Variants in IL1RAPL2 observed in about 807,000 individuals in gnomAD.
The protein encoded by IL1RAPL2 is interleukin 1 receptor accessory protein like 2.
IL1RAPL2 carries 3 observed loss-of-function variants against 44.1 expected under a neutral mutation model. The ratio of observed to expected loss-of-function variants is 0.07; its 90% CI spans 0.03 to 0.18. The LOEUF (loss-of-function observed/expected upper bound fraction) is 0.18. Ranked by LOEUF, IL1RAPL2 falls within the 10% of genes least tolerant of loss-of-function variation. IL1RAPL2 has a pLI of 1.00. For missense variants in IL1RAPL2, 391 were observed against 496.4 expected (o/e 0.79, Z 2.02); for synonymous variants, 181 against 178.8 (o/e 1.01, Z -0.10).
intron 2 of IL1RAPL2, among the ~76,000 whole-genome samples, chrX:105,115,331 C>T (rs980076276): frequency 1.8e-5 from 2 of 111,548 alleles, no homozygotes; most frequent in Admixed American, 1.9e-4. Flanking sequence ...GGGACCAGAA[C>T]CGGTTGCCAC....
intron 2 of IL1RAPL2, among the ~76,000 whole-genome samples, chrX:104,795,950 G>T (rs140642976): frequency 1.8e-5 from 2 of 111,880 alleles, no homozygotes. Context: ...AGTCTACTCC[G>T]TATGAGAACC....
At chrX:105,725,985 C>T (rs2038347974) in intron 7 of IL1RAPL2, among the ~76,000 whole-genome samples, 1 of 111,018 alleles carries the variant, frequency 9.0e-6, no homozygotes, top group Non-Finnish European at 1.9e-5. Flanking sequence ...GTGGTGAATA[C>T]TATTGATGAT....
intron 1 of IL1RAPL2, chrX:104,647,505 C>T (rs1930064912): frequency 1.9e-6 from 1 of 538,000 alleles, no homozygotes; most frequent in South Asian, 2.4e-5. Flanking sequence ...GACACATCGT[C>T]CAGGATGAGC....
In IL1RAPL2 at chrX:105,767,646, C is replaced by T. The variant is rs370658459; in HGVS notation, c.2046C>T (p.Thr682=). 1 of 1,199,627 alleles carries T rather than the reference C, an allele frequency of 8.3e-7. No individual in the cohort carries two copies. Among genetic ancestry groups the T allele is most frequent in the Non-Finnish European group, 1.1e-6 (1 of 885,359 alleles). The change falls in exon 11 of 11, where the codon ACC becomes ACT. Residue 682 remains threonine, a synonymous_variant. Transcript: ENST00000372582. ...TATCCTCCAAAGAGCTTAGCTTTAC[C>T]AGTGATATTTGGTAGTGAAAAATCT... is the stretch of plus-strand genomic sequence containing the variant. ...LPLSSKELSF[T]SDIW is the part of the protein sequence containing the mutation.
intron 6 of IL1RAPL2, among the ~76,000 whole-genome samples, chrX:105,623,402 A>T (rs1242246001): frequency 9.0e-6 from 1 of 110,666 alleles, no homozygotes; most frequent in Non-Finnish European, 1.9e-5. Context: ...AAACTGTTTT[A>T]AAAAATCCTA....
intron 7 of IL1RAPL2, among the ~76,000 whole-genome samples, chrX:105,733,720 T>C (rs2038424062): frequency 9.0e-6 from 1 of 111,219 alleles, no homozygotes; most frequent in Non-Finnish European, 1.9e-5. Context: ...TGATATATGT[T>C]GTCCACTATT....
At chrX:104,907,685 T>C (rs1181505057) in intron 2 of IL1RAPL2, among the ~76,000 whole-genome samples, 1 of 111,098 alleles carries the variant, frequency 9.0e-6, no homozygotes, top group Non-Finnish European at 1.9e-5. Flanking sequence ...TTATAATTTC[T>C]GTTCTTTTAC....
intron 3 of IL1RAPL2, among the ~76,000 whole-genome samples, chrX:105,226,263 C>G (rs1286884844): frequency 9.1e-6 from 1 of 110,029 alleles, no homozygotes; most frequent in Admixed American, 9.8e-5. Context: ...CTCCAATTAA[C>G]TGTTTATTAT....
chrX:105,438,639 G>A (rs2035898141), intron 5 of IL1RAPL2, among the ~76,000 whole-genome samples: 2 of 110,475 alleles, frequency 1.8e-5, no homozygotes, highest in African/African-American at 6.6e-5. Flanking sequence ...CGTCTGTGAT[G>A]AGGCCCAACA....
intron 6 of IL1RAPL2, among the ~76,000 whole-genome samples, chrX:105,631,809 G>A (rs1186820258): frequency 2.7e-5 from 3 of 111,445 alleles, no homozygotes; most frequent in South Asian, 3.8e-4. Flanking sequence ...GCCTTAGCAC[G>A]AAACCACAAC....
At chrX:105,535,176 A>G (rs1249775852) in intron 6 of IL1RAPL2, among the ~76,000 whole-genome samples, 2 of 112,050 alleles carry the variant, frequency 1.8e-5, no homozygotes, top group Non-Finnish European at 3.8e-5. Flanking sequence ...AAAACGACAT[A>G]AAGAAGGCAT....
intron 5 of IL1RAPL2, among the ~76,000 whole-genome samples, chrX:105,369,241 T>G (rs1343039715): frequency 9.0e-6 from 1 of 111,058 alleles, no homozygotes; most frequent in East Asian, 2.8e-4. Flanking sequence ...TCTCTGATAC[T>G]TTCTGTGAAT....
At chrX:105,366,557 CAA>C (rs999612855) in intron 5 of IL1RAPL2, among the ~76,000 whole-genome samples, 4 of 110,945 alleles carry the variant, frequency 3.6e-5, no homozygotes, top group African/African-American at 1.3e-4. Flanking sequence ...TTCTTTATCT[CAA>C]GATATTTTTT....
chrX:105,406,208 G>A, intron 5 of IL1RAPL2: 6 of 1,138,579 alleles, frequency 5.3e-6, no homozygotes, highest in Non-Finnish European at 6.0e-6. Flanking sequence ...AGTGAATAAA[G>A]AACCTGACAG....
chrX:105,713,417 A>G (rs2038229821), intron 6 of IL1RAPL2, among the ~76,000 whole-genome samples: 1 of 111,498 alleles, frequency 9.0e-6, no homozygotes, highest in South Asian at 3.8e-4. Flanking sequence ...GCCCAACACC[A>G]TGTGAAAGCT....
chrX:104,761,857 C>T (rs62589848), intron 2 of IL1RAPL2, among the ~76,000 whole-genome samples: 1 of 36,631 alleles, frequency 2.7e-5, no homozygotes, highest in Non-Finnish European at 4.5e-5. Context: ...TTCTCCTTCT[C>T]CTTCTCCTTC....
At chrX:104,925,730 T>A (rs1277960491) in intron 2 of IL1RAPL2, among the ~76,000 whole-genome samples, 1 of 111,397 alleles carries the variant, frequency 9.0e-6, no homozygotes, top group Non-Finnish European at 1.9e-5. Context: ...GACAAACCCA[T>A]AGCCAACATC....
At chrX:105,362,765 G>T (rs2035257082) in intron 5 of IL1RAPL2, among the ~76,000 whole-genome samples, 1 of 111,316 alleles carries the variant, frequency 9.0e-6, no homozygotes, top group African/African-American at 3.3e-5. Flanking sequence ...TATTTTTATT[G>T]TATATATTTG....
At chrX:104,689,062 C>T (rs1931042184) in intron 2 of IL1RAPL2, among the ~76,000 whole-genome samples, 1 of 111,722 alleles carries the variant, frequency 9.0e-6, no homozygotes, top group African/African-American at 3.3e-5. Context: ...AAGGAAATGC[C>T]TTTATGAGTG....
Sources: allele counts gnomAD v4.1 joint callset (sites outside exome capture counted in the v4.1 genomes callset), GRCh38; gene constraint gnomAD v4.1.1; transcripts MANE v1.5; gene names NCBI Gene and HGNC (gene_info 2026-07-23, HGNC 2026-07-21).